The following ZPBP variants were observed in gnomAD, a reference collection of about 807,000 sequenced individuals.
ZPBP encodes zona pellucida binding protein, also known as zona pellucida-binding protein 1.
ZPBP carries 26 observed loss-of-function variants against 44.8 expected under a neutral mutation model. That is an observed-to-expected ratio of 0.58 (90% CI 0.43 to 0.81). ZPBP has a LOEUF of 0.81. ZPBP is among the 30% of genes least tolerant of loss of function. The pLI is 0.00. For synonymous variants in ZPBP, 174 were observed against 153.2 expected, an observed-to-expected ratio of 1.14 and a Z score of -1.00; for missense variants, 409 against 434.0, an observed-to-expected ratio of 0.94 and a Z score of 0.51.
At chr7:49,989,553 T>C (rs1429946033) in intron 6 of ZPBP, among the ~76,000 whole-genome samples, 1 of 152,230 alleles carries the variant, frequency 6.6e-6, no homozygotes, top group Non-Finnish European at 1.5e-5. Flanking sequence ...GTTAGTCCTA[T>C]CATGATTTGT....
At chr7:49,981,131 T>C (rs1346943299) in intron 7 of ZPBP, among the ~76,000 whole-genome samples, 3 of 143,338 alleles carry the variant, frequency 2.1e-5, no homozygotes, top group Non-Finnish European at 3.0e-5. Context: ...ATTGTGATTA[T>C]ATATATTTTA....
chr7:49,918,165 G>A (rs1229877327), intron 1 of ZPBP: 2 of 152,174 alleles, frequency 1.3e-5, no homozygotes, highest in African/African-American at 4.8e-5. Context: ...TGTGGGTAAT[G>A]CTATCCCCTT....
chr7:49,885,005 T>C (rs1054738737), intron 2 of ZPBP, among the ~76,000 whole-genome samples: 2 of 152,052 alleles, frequency 1.3e-5, no homozygotes, highest in African/African-American at 4.8e-5. Flanking sequence ...AAATAGGATA[T>C]AAGTGTTGTA....
At chr7:49,860,117 A>T (rs952198720) in intron 2 of ZPBP, among the ~76,000 whole-genome samples, 5 of 152,128 alleles carry the variant, frequency 3.3e-5, no homozygotes, top group African/African-American at 1.2e-4. Context: ...AATGACAAAA[A>T]ATTGCCATTT....
chr7:49,902,548 C>A, intron 1 of ZPBP, among the ~76,000 whole-genome samples: 3 of 133,486 alleles, frequency 2.2e-5, no homozygotes, highest in African/African-American at 5.3e-5. Flanking sequence ...ATTGGATATC[C>A]GTAGCCAAAA....
At chr7:49,911,419 T>A (rs989958723) in intron 1 of ZPBP, among the ~76,000 whole-genome samples, 2 of 146,004 alleles carry the variant, frequency 1.4e-5, no homozygotes, top group Non-Finnish European at 3.0e-5. Flanking sequence ...GAGGCAGAGG[T>A]TGCAGTGAGC....
At chr7:49,979,824 C>CAT (rs56222305) in intron 7 of ZPBP, among the ~76,000 whole-genome samples, 8,297 of 112,224 alleles carry the variant, frequency 0.074, 414 homozygotes, top group Admixed American at 0.2. Context: ...TGGAGTTATA[C>CAT]ATATATATAT....
chr7:49,943,430 C>T (rs993324252), intron 7 of ZPBP: 6 of 422,130 alleles, frequency 1.4e-5, no homozygotes, highest in South Asian at 1.2e-4. Context: ...ACATTGCAAA[C>T]TTTCTTGGAA....
chr7:49,857,838 A>G (rs1202872330), intron 2 of ZPBP, among the ~76,000 whole-genome samples: 2 of 152,272 alleles, frequency 1.3e-5, no homozygotes, highest in African/African-American at 2.4e-5. Context: ...CAATTTCTTT[A>G]CCTTCTTTGC....
chr7:50,045,775 T>G (rs1031408523), intron 4 of ZPBP, among the ~76,000 whole-genome samples: 16 of 152,178 alleles, frequency 1.1e-4, no homozygotes, highest in Non-Finnish European at 4.4e-5. Flanking sequence ...TTGACTTTCT[T>G]CACAGAACTA....
chr7:50,070,754 A>T (rs1049852188), intron 3 of ZPBP, among the ~76,000 whole-genome samples: 2 of 152,154 alleles, frequency 1.3e-5, no homozygotes, highest in Non-Finnish European at 2.9e-5. Context: ...GTGCAGGGGG[A>T]AGCATATTAC....
intron 2 of ZPBP, among the ~76,000 whole-genome samples, chr7:49,863,433 T>TC (rs1790746105): frequency 6.6e-6 from 1 of 152,150 alleles, no homozygotes; most frequent in Non-Finnish European, 1.5e-5. Flanking sequence ...TCCCTTTTTT[T>TC]CTTTTCTTTT....
intron 1 of ZPBP, among the ~76,000 whole-genome samples, chr7:49,929,919 C>T (rs1326170670): frequency 6.6e-6 from 1 of 152,214 alleles, no homozygotes; most frequent in East Asian, 1.9e-4. Context: ...GTTCAACACT[C>T]ATTCAAAGTC....
intron 4 of ZPBP, among the ~76,000 whole-genome samples, chr7:50,035,727 T>C (rs1330094801): frequency 6.6e-6 from 1 of 151,952 alleles, no homozygotes; most frequent in Non-Finnish European, 1.5e-5. Context: ...ACTATATAGA[T>C]TAAAAGAGCA....
intron 4 of ZPBP, among the ~76,000 whole-genome samples, chr7:50,036,452 T>A (rs945990736): frequency 4.6e-5 from 7 of 152,140 alleles, no homozygotes; most frequent in Non-Finnish European, 1.5e-5. Context: ...GCCTGGCCAA[T>A]AAATATGTTT....
At chr7:49,858,114 C>T (rs1264993659) in intron 2 of ZPBP, among the ~76,000 whole-genome samples, 1 of 152,220 alleles carries the variant, frequency 6.6e-6, no homozygotes, top group Non-Finnish European at 1.5e-5. Context: ...GTCCCACCAA[C>T]AGTGTAAAAG....
chr7:49,900,515 A>G (rs1352689325), intron 2 of ZPBP, among the ~76,000 whole-genome samples: 1 of 151,832 alleles, frequency 6.6e-6, no homozygotes, highest in Non-Finnish European at 1.5e-5. Flanking sequence ...ATAATAAAAA[A>G]ATACTACAAA....
At chr7:49,888,386 A>T (rs946936984) in intron 2 of ZPBP, among the ~76,000 whole-genome samples, 2 of 152,186 alleles carry the variant, frequency 1.3e-5, no homozygotes, top group Non-Finnish European at 2.9e-5. Context: ...CAGATTATCA[A>T]TTTAGGTATG....
intron 6 of ZPBP, among the ~76,000 whole-genome samples, chr7:50,013,394 T>C (rs1215365809): frequency 6.6e-6 from 1 of 151,968 alleles, no homozygotes; most frequent in Non-Finnish European, 1.5e-5. Context: ...TGAAGTTCTT[T>C]TGGCATGTAC....
Sources: gnomAD v4.1 joint callset for allele counts (sites outside exome capture counted in the v4.1 genomes callset) on GRCh38, gnomAD v4.1.1 for gene constraint, MANE v1.5 for transcripts, NCBI Gene and HGNC (gene_info 2026-07-23, HGNC 2026-07-21) for gene names.